Variants in CDH12 observed in about 807,000 individuals in gnomAD.
CDH12 encodes cadherin-12.
Under a neutral mutation model 74.1 loss-of-function variants are expected in CDH12, and 41 were observed. The observed-to-expected ratio is 0.55, with a 90% CI of 0.43 to 0.72. The LOEUF (loss-of-function observed/expected upper bound fraction) is 0.72. CDH12 is among the 30% of genes least tolerant of loss of function. The pLI, the probability that CDH12 is intolerant of heterozygous loss-of-function variation, is 0.00. For synonymous variants in CDH12, 399 were observed against 355.0 expected (o/e 1.12, Z -1.39); for missense variants, 945 against 977.2 (o/e 0.97, Z 0.44).
chr5:22,481,068 T>C (rs182627585), intron 2 of CDH12, among the ~76,000 whole-genome samples: 56 of 152,352 alleles, frequency 3.7e-4, no homozygotes, highest in Non-Finnish European at 7.1e-4. Context: ...ACCTGTTATC[T>C]CTTATGTTCA....
intron 1 of CDH12, among the ~76,000 whole-genome samples, chr5:22,630,386 C>G (rs867377185): frequency 2.0e-5 from 3 of 151,992 alleles, no homozygotes; most frequent in Admixed American, 6.6e-5. Flanking sequence ...CATTATCCAA[C>G]TTCGAACTAA....
At chr5:21,887,926 C>T (rs980474141) in intron 6 of CDH12, among the ~76,000 whole-genome samples, 9 of 151,158 alleles carry the variant, frequency 6.0e-5, no homozygotes, top group Non-Finnish European at 1.0e-4. Flanking sequence ...TTTTTTTCCC[C>T]TTAGTTCCAG....
intron 6 of CDH12, among the ~76,000 whole-genome samples, chr5:21,932,366 C>A (rs1354708557): frequency 1.3e-5 from 2 of 152,116 alleles, no homozygotes; most frequent in African/African-American, 4.8e-5. Context: ...ATTGGAACAT[C>A]CTTTGATGTG....
intron 6 of CDH12, among the ~76,000 whole-genome samples, chr5:21,880,611 CCTTCCTTCTTTCTTTCTTT>C (rs1752249177): frequency 1.3e-5 from 1 of 79,488 alleles, no homozygotes; most frequent in African/African-American, 4.6e-5. Context: ...TTCCTTCCTT[CCTTCCTTCTTTCTTTCTTT>C]CTTTCTTTCT....
intron 3 of CDH12, among the ~76,000 whole-genome samples, chr5:22,273,540 T>G (rs1453691236): frequency 6.6e-6 from 1 of 152,216 alleles, no homozygotes; most frequent in Admixed American, 6.5e-5. Flanking sequence ...CAATTACTTT[T>G]GCACCAAGCT....
At chr5:21,991,329 C>G (rs919725058) in intron 5 of CDH12, among the ~76,000 whole-genome samples, 1 of 151,600 alleles carries the variant, frequency 6.6e-6, no homozygotes, top group African/African-American at 2.4e-5. Flanking sequence ...TATCTACATT[C>G]TTTCTCACAA....
chr5:21,928,781 T>C (rs756811260), intron 6 of CDH12, among the ~76,000 whole-genome samples: 1 of 152,194 alleles, frequency 6.6e-6, no homozygotes, highest in Non-Finnish European at 1.5e-5. Flanking sequence ...ACCTTTTTAA[T>C]GTAATTTTAC....
chr5:22,787,630 A>G (rs1747702327), intron 1 of CDH12, among the ~76,000 whole-genome samples: 1 of 152,086 alleles, frequency 6.6e-6, no homozygotes, highest in African/African-American at 2.4e-5. Context: ...TAATAAAATA[A>G]TGTTTAAACA....
chr5:22,029,226 C>A (rs1455952890), intron 5 of CDH12, among the ~76,000 whole-genome samples: 3 of 152,000 alleles, frequency 2.0e-5, no homozygotes, highest in Admixed American at 6.5e-5. Context: ...TCTAAAACAC[C>A]AAAAGCAATG....
chr5:21,918,285 TA>T (rs1433644321), intron 6 of CDH12, among the ~76,000 whole-genome samples: 1 of 152,178 alleles, frequency 6.6e-6, no homozygotes, highest in African/African-American at 2.4e-5. Context: ...GTGTGTGTTG[TA>T]ATTAAAATAA....
intron 1 of CDH12, among the ~76,000 whole-genome samples, chr5:22,700,449 T>G (rs968124831): frequency 1.3e-5 from 2 of 152,204 alleles, no homozygotes; most frequent in African/African-American, 4.8e-5. Flanking sequence ...AAATAAGGCC[T>G]GATGTATTAC....
intron 4 of CDH12, among the ~76,000 whole-genome samples, chr5:22,191,731 A>AT (rs1750314742): frequency 2.0e-5 from 3 of 149,936 alleles, no homozygotes; most frequent in South Asian, 2.1e-4. Context: ...CGCCCGGCTA[A>AT]TTTTTTGTAT....
chr5:22,250,743 A>C (rs1753107528), intron 3 of CDH12, among the ~76,000 whole-genome samples: 1 of 152,216 alleles, frequency 6.6e-6, no homozygotes, highest in Non-Finnish European at 1.5e-5. Context: ...AGGCGTGATC[A>C]GACATGTGTC....
At chr5:22,603,523 G>C (rs916734136) in intron 1 of CDH12, among the ~76,000 whole-genome samples, 1 of 152,232 alleles carries the variant, frequency 6.6e-6, no homozygotes, top group African/African-American at 2.4e-5. Flanking sequence ...GGGGATTACA[G>C]CCCTAAATAT....
At chr5:21,776,591 T>G (rs1366772631) in intron 11 of CDH12, among the ~76,000 whole-genome samples, 1 of 152,120 alleles carries the variant, frequency 6.6e-6, no homozygotes, top group Admixed American at 6.6e-5. Context: ...TCCACCTATT[T>G]TTAGGATATT....
chr5:22,747,494 T>C (rs1580955337), intron 1 of CDH12, among the ~76,000 whole-genome samples: 1 of 146,904 alleles, frequency 6.8e-6, no homozygotes, highest in Non-Finnish European at 1.5e-5. Context: ...ATTGGCTGGG[T>C]ATGGTTCTGT....
intron 3 of CDH12, among the ~76,000 whole-genome samples, chr5:22,358,104 T>C (rs1236560001): frequency 1.3e-5 from 2 of 152,104 alleles, no homozygotes; most frequent in African/African-American, 2.4e-5. Flanking sequence ...TCGATGACAT[T>C]TCCTTAAAGA....
intron 3 of CDH12, among the ~76,000 whole-genome samples, chr5:22,286,249 C>A (rs1737129432): frequency 6.6e-6 from 1 of 152,088 alleles, no homozygotes; most frequent in African/African-American, 2.4e-5. Flanking sequence ...GCAAGTCACA[C>A]AAAGCATAAA....
intron 1 of CDH12, among the ~76,000 whole-genome samples, chr5:22,659,674 TTCTC>T (rs1359895911): frequency 1.3e-5 from 2 of 151,874 alleles, no homozygotes. Context: ...CATAGTTTTT[TTCTC>T]TCTCTCTCGT....
Sources: gnomAD v4.1 joint callset for allele counts (sites outside exome capture counted in the v4.1 genomes callset) on GRCh38, gnomAD v4.1.1 for gene constraint, MANE v1.5 for transcripts, NCBI Gene and HGNC (gene_info 2026-07-23, HGNC 2026-07-21) for gene names.